The following COL9A2 variants were observed in gnomAD, a reference collection of about 807,000 sequenced individuals.
The protein encoded by COL9A2 is collagen alpha-2(IX) chain.
Under a neutral mutation model 111.6 loss-of-function variants are expected in COL9A2, and 66 were observed. The observed-to-expected ratio is 0.59, with a 90% CI of 0.48 to 0.73. COL9A2 has a LOEUF of 0.73. COL9A2 is among the 30% of genes least tolerant of loss of function. The pLI, the probability that COL9A2 is intolerant of heterozygous loss-of-function variation, is 0.00. For missense variants in COL9A2, 881 were observed against 954.1 expected (o/e 0.92, Z 1.01); for synonymous variants, 353 against 364.1 (o/e 0.97, Z 0.35).
chr1:40,305,799 G>C, intron 20 of COL9A2, 31 bp from the exon 21 acceptor site: 1 of 1,610,782 alleles, frequency 6.2e-7, no homozygotes, highest in Non-Finnish European at 8.5e-7. Flanking sequence ...GGTCAGTCTG[G>C]GTGGCCCAGT....
Position 40,316,807 on chromosome 1 carries a change from A to G in COL9A2, c.75+316T>C, listed in dbSNP as rs1221062370. 4.3e-6 allele frequency: 2 copies of G among 469,266 alleles called. No individual in the cohort carries two copies. The highest frequency in any genetic ancestry group is 6.3e-4 in the Middle Eastern group (1 of 1,600). 29.1% of individuals were successfully genotyped at this position (469,266 alleles called of 1,614,324 possible). On this transcript the variant is annotated intron_variant, in intron 1 of 31. Coordinates refer to ENST00000372748, the MANE Select transcript of COL9A2 (RefSeq NM_001852.4). The surrounding 1 kb of genome is among the most constrained non-coding windows in gnomAD (Gnocchi z 5.5). ...GCTGCGCAGCGGGTGAATGAGCACC[A>G]TTGTATGCCCCGCCACCTGGGCTCC... is the stretch of plus-strand genomic sequence containing the variant.
rs745897743 is a variant in COL9A2, at chr1:40,311,758, T to C, written c.418-43A>G. On this transcript the variant is annotated intron_variant, in intron 8 of 31. Transcript: ENST00000372748. The surrounding 1 kb of genome is among the most constrained non-coding windows in gnomAD (Gnocchi z 5.1). Reference sequence around the variant, plus strand: ...CCAAATCATACCCCTGACCAGCCCTTACCAGCTTACCCTAGTGCCCTCCTC... The same window carrying C: ...CCAAATCATACCCCTGACCAGCCCTCACCAGCTTACCCTAGTGCCCTCCTC... 4.4e-6 allele frequency: 7 copies of C among 1,599,458 alleles called. No individual in the cohort carries two copies. The highest frequency in any genetic ancestry group is 5.1e-6 in the Non-Finnish European group (6 of 1,167,616).
Position 40,303,481 on chromosome 1 carries a change from G to A in COL9A2, c.1548+49C>T. On this transcript the variant is annotated intron_variant, in intron 28 of 31. Transcript: ENST00000372748. This position sits in a 1 kb window ranked among gnomAD's most constrained non-coding sequence, Gnocchi z 4.6. Reference sequence around the variant, plus strand: ...CCTTTGGCGGGTAAGCCGCACCCCAGAACAGATCTACCTAGAAGAAGCACC... The same window carrying A: ...CCTTTGGCGGGTAAGCCGCACCCCAAAACAGATCTACCTAGAAGAAGCACC... 1.2e-6 allele frequency: 2 copies of A among 1,610,454 alleles called. No homozygotes were observed. Among genetic ancestry groups the A allele is most frequent in the Non-Finnish European group, 1.7e-6 (2 of 1,178,798 alleles).
chr1:40,310,801 G>A lies in COL9A2; in HGVS notation c.631-34C>T. The A allele has an allele frequency of 6.5e-7, 1 of 1,536,312 alleles. No individual in the cohort carries two copies. Among genetic ancestry groups the A allele is most frequent in the South Asian group, 1.2e-5 (1 of 83,864 alleles). On this transcript the variant is annotated intron_variant, in intron 12 of 31. Coordinates refer to ENST00000372748, the MANE Select transcript of COL9A2 (RefSeq NM_001852.4). This position sits in a 1 kb window ranked among gnomAD's most constrained non-coding sequence, Gnocchi z 4.9. ...CAGGGATGAGCTGTCAGACAGGCAG[G>A]CAGATGGAAAGACACATATACAGAC...
Position 40,304,527 on chromosome 1 carries a change from A to C in COL9A2, c.1164T>G (p.Gly388=), listed in dbSNP as rs772704366. Residue 388 remains glycine (G), a splice_region_variant and synonymous_variant, in exon 23 of 32, where the codon GGT becomes GGG. Coordinates refer to ENST00000372748, the MANE Select transcript of COL9A2 (RefSeq NM_001852.4). ...CCACTGGACCCCTCTCGCCTTGGTC[A>C]CCCTGAAATGGAAAGAGAAGGTCAC... The part of the protein sequence containing the change: ...IGPQGIMGQK[G]DQGERGPVGQ... The C allele has an allele frequency of 6.2e-7, 1 of 1,614,110 alleles. No homozygotes were observed. The highest frequency in any genetic ancestry group is 1.7e-5 in the Admixed American group (1 of 60,022).
rs1643956291 is a variant in COL9A2 at position 40,303,729 on chromosome 1, G to A, written c.1402-53C>T. ...GCCGGGTGAGAAGGCGCCCGGGTGG[G>A]CGAGAGTGGGGGGTGGGGGTCGAGG... On this transcript the variant is annotated intron_variant, in intron 27 of 31. Coordinates refer to ENST00000372748, the MANE Select transcript of COL9A2 (RefSeq NM_001852.4). This position sits in a 1 kb window ranked among gnomAD's most constrained non-coding sequence, Gnocchi z 4.6. 6.5e-7 allele frequency: 1 copy of A among 1,540,208 alleles called. No homozygotes were observed. The highest frequency in any genetic ancestry group is 1.4e-5 in the African/African-American group (1 of 72,738).
intron 16 of COL9A2, 77 bp from the exon 17 acceptor site, chr1:40,308,322 A>G (rs1644062934): frequency 1.4e-6 from 2 of 1,442,510 alleles, no homozygotes; most frequent in East Asian, 4.9e-5. Flanking sequence ...GGAACCACTG[A>G]GAACAGTGGC....
In COL9A2 at chr1:40,315,624, C is replaced by T. The variant is rs1230471031; in HGVS notation, c.116G>A (p.Gly39Glu). The change falls in exon 2 of 32, where the codon GGA becomes GAA. Residue 39 changes from glycine to glutamate, a missense_variant. By Grantham distance (98) the Gly-to-Glu change is moderately conservative. Coordinates refer to ENST00000372748, the MANE Select transcript of COL9A2 (RefSeq NM_001852.4). ...GTCGGATCCAGGCACTCCCGGCGGT[C>T]CCGGGGGACCCGGGGGGCCCCGCTC... is the stretch of plus-strand genomic sequence containing the variant. Reference protein sequence around the residue: ...PGERGPPGPPGPPGVPGSDGI... With the variant: ...PGERGPPGPPEPPGVPGSDGI... 1.3e-6 allele frequency: 2 copies of T among 1,553,172 alleles called. No homozygotes were observed. The highest frequency in any genetic ancestry group is 1.7e-6 in the Non-Finnish European group (2 of 1,147,596).
Position 40,314,602 on chromosome 1 carries a change from G to A in COL9A2, c.151-215C>T, listed in dbSNP as rs1025550589. On this transcript the variant is annotated intron_variant, in intron 2 of 31. Transcript: ENST00000372748. This position sits in a 1 kb window ranked among gnomAD's most constrained non-coding sequence, Gnocchi z 4.1. The stretch of plus-strand genomic sequence containing the variant: ...CAGGAGCATGAGAATAACCCTGGCC[G>A]GGCTGGAGAGGGTGACAGCAACATG... Among the ~76,000 whole-genome samples the A allele has an allele frequency of 1.3e-5, 2 of 152,154 alleles. No individual in the cohort carries two copies. Among genetic ancestry groups the A allele is most frequent in the South Asian group, 2.1e-4 (1 of 4,832 alleles).
In COL9A2 at chr1:40,311,094, G is replaced by T. The variant is rs199831035; in HGVS notation, c.629C>A (p.Pro210Gln). 6.2e-7 allele frequency: 1 copy of T among 1,614,036 alleles called. No homozygotes were observed. Among genetic ancestry groups the T allele is most frequent in the South Asian group, 1.1e-5 (1 of 91,080 alleles). Reference sequence around the variant, plus strand: ...ACAGCCCTCAGCCCTTGCACTCACCGGCTTCCCCTGGTGGCCAGGATCACC... The same window carrying T: ...ACAGCCCTCAGCCCTTGCACTCACCTGCTTCCCCTGGTGGCCAGGATCACC... ...ILGDPGHQGKPGPKGDVGASG... is the reference protein window; with the variant it reads ...ILGDPGHQGKQGPKGDVGASG... The change falls in exon 12 of 32, where the codon CCG becomes CAG. Residue 210 changes from proline to glutamine, a missense_variant and splice_region_variant. Coordinates refer to ENST00000372748, the MANE Select transcript of COL9A2 (RefSeq NM_001852.4). This position sits in a 1 kb window ranked among gnomAD's most constrained non-coding sequence, Gnocchi z 5.1.
In COL9A2 at chr1:40,312,600, C is replaced by T. The variant is rs760368550; in HGVS notation, c.313G>A (p.Gly105Arg). ...MGIPGVKGQPGLPGPPGLPGP... is the reference protein window; with the variant it reads ...MGIPGVKGQPRLPGPPGLPGP... ...GGAAGGCCAGGAGGACCAGGAAGCC[C>T]GGGCTGGCCCTGCAGAAGCAACGAG... The change falls in exon 6 of 32, where the codon GGG becomes AGG. Residue 105 changes from glycine to arginine, a missense_variant. Transcript: ENST00000372748. The surrounding 1 kb of genome is among the most constrained non-coding windows in gnomAD (Gnocchi z 6.0). 27 of 1,613,826 alleles carry T rather than the reference C, an allele frequency of 1.7e-5. No homozygotes were observed. Among genetic ancestry groups the T allele is most frequent in the Middle Eastern group, 3.3e-4 (2 of 6,084 alleles).
Position 40,314,289 on chromosome 1 carries a change from A to G in COL9A2, c.187-22T>C, listed in dbSNP as rs2273196. 1.6e-4 allele frequency: 260 copies of G among 1,614,216 alleles called. 1 individual carries two copies. The East Asian group carries it at 5.6e-3, about 35-fold the overall frequency. On this transcript the variant is annotated intron_variant, in intron 3 of 31. Transcript: ENST00000372748. The surrounding 1 kb of genome is among the most constrained non-coding windows in gnomAD (Gnocchi z 4.1). ...GTCCCTTGAAAACAGAGATGGAACA[A>G]ACATGAGCCAGAGGAGGGCAAGAGC...
At position 40,303,922 on chromosome 1, in the gene COL9A2, G is replaced by T; in HGVS notation, c.1368+6C>A. The stretch of plus-strand genomic sequence containing the variant: ...CTCCCCGCCCTTCCCTAGGCCGCGC[G>T]CTCACCTTCTCGCCTTTCTCTCCGG... On this transcript the variant is annotated splice_donor_region_variant and intron_variant, in intron 26 of 31. Coordinates refer to ENST00000372748, the MANE Select transcript of COL9A2 (RefSeq NM_001852.4). This position sits in a 1 kb window ranked among gnomAD's most constrained non-coding sequence, Gnocchi z 4.6. The T allele has an allele frequency of 5.8e-6, 9 of 1,553,560 alleles. No individual in the cohort carries two copies. The highest frequency in any genetic ancestry group is 7.8e-6 in the Non-Finnish European group (9 of 1,148,316).
Position 40,303,782 on chromosome 1 carries a change from A to T in COL9A2, c.1401+25T>A, listed in dbSNP as rs1448685535. On this transcript the variant is annotated intron_variant, in intron 27 of 31. Transcript: ENST00000372748. The surrounding 1 kb of genome is among the most constrained non-coding windows in gnomAD (Gnocchi z 4.6). ...GGGAGTGGCCGCCCAGGAAAGTCGG[A>T]GAACGCCGGGAGGGGAGGACTCACC... 1 of 1,538,296 alleles carries T rather than the reference A, an allele frequency of 6.5e-7. No individual in the cohort carries two copies. The highest frequency in any genetic ancestry group is 8.7e-7 in the Non-Finnish European group (1 of 1,146,600).
intron 21 of COL9A2, 152 bp from the exon 22 acceptor site, chr1:40,304,999 A>G (rs1171496649): frequency 3.8e-6 from 2 of 524,322 alleles, no homozygotes; most frequent in South Asian, 4.4e-5. Flanking sequence ...GGGTCCCTGT[A>G]GTTTTCTTTC....
In COL9A2 at chr1:40,315,316, G is replaced by A. The variant is rs982458634; in HGVS notation, c.150+274C>T. 6.5e-5 allele frequency: 85 copies of A among 1,305,172 alleles called. 1 individual carries two copies. The African/African-American group carries it at 7.3e-4, about 11-fold the overall frequency. 80.8% of individuals were successfully genotyped at this position (1,305,172 alleles called of 1,614,324 possible). ...TACCCCACAAGGAGGGGAAAGGAGA[G>A]GAGGGGGATGAGGCCTCGCTGTGAG... On this transcript the variant is annotated intron_variant, in intron 2 of 31. Coordinates refer to ENST00000372748, the MANE Select transcript of COL9A2 (RefSeq NM_001852.4).
chr1:40,303,105 T>A lies in COL9A2; in HGVS notation c.1603+26A>T. On this transcript the variant is annotated intron_variant, in intron 29 of 31. Transcript: ENST00000372748. This position sits in a 1 kb window ranked among gnomAD's most constrained non-coding sequence, Gnocchi z 4.6. ...GGGGCGGCGATGCCCTCGAACTGAC[T>A]GTGAGGAGGGGTTGCTGCCCCTCAC... 1.9e-6 allele frequency: 3 copies of A among 1,609,472 alleles called. No individual in the cohort carries two copies. Among genetic ancestry groups the A allele is most frequent in the Non-Finnish European group, 2.5e-6 (3 of 1,178,008 alleles).
chr1:40,303,710 T>C lies in COL9A2; in HGVS notation c.1402-34A>G. 6.9e-7 allele frequency: 1 copy of C among 1,446,640 alleles called. No individual in the cohort carries two copies. The highest frequency in any genetic ancestry group is 9.1e-7 in the Non-Finnish European group (1 of 1,096,676). The allele number at this position is 1,446,640 out of a possible 1,614,324, so 89.6% of individuals were successfully genotyped here. On this transcript the variant is annotated intron_variant, in intron 27 of 31. Transcript: ENST00000372748. This position sits in a 1 kb window ranked among gnomAD's most constrained non-coding sequence, Gnocchi z 4.6. The stretch of plus-strand genomic sequence containing the variant: ...GGATGGGGGTGGGAGCAGAGCCGGG[T>C]GAGAAGGCGCCCGGGTGGGCGAGAG...
chr1:40,307,712 A>T lies in COL9A2; in HGVS notation c.945T>A (p.Pro315=). 6.2e-7 allele frequency: 1 copy of T among 1,614,132 alleles called. No individual in the cohort carries two copies. Among genetic ancestry groups the T allele is most frequent in the South Asian group, 1.1e-5 (1 of 91,076 alleles). Residue 315 remains proline (P), a synonymous_variant, in exon 18 of 32, where the codon CCT becomes CCA. Coordinates refer to ENST00000372748, the MANE Select transcript of COL9A2 (RefSeq NM_001852.4). The surrounding 1 kb of genome is among the most constrained non-coding windows in gnomAD (Gnocchi z 4.8). The part of the protein sequence containing the change: ...INGKDGTPGT[P]GMKGSAGQAG... ...GCAGCCCCACTCCTACCTTCATGCC[A>T]GGCGTGCCTGGGGTCCCATCCTTGC...
Sources: allele counts gnomAD v4.1 joint callset (sites outside exome capture counted in the v4.1 genomes callset), GRCh38; gene constraint gnomAD v4.1.1; non-coding constraint Gnocchi (gnomAD v3.1); transcripts MANE v1.5; gene names NCBI Gene and HGNC (gene_info 2026-07-23, HGNC 2026-07-21).